Variants in ITGB4 observed in about 807,000 individuals in gnomAD.
ITGB4 encodes the protein integrin subunit beta 4, also known as integrin beta-4.
Under a neutral mutation model 207.6 loss-of-function variants are expected in ITGB4, and 159 were observed. That is an observed-to-expected ratio of 0.77 (90% CI 0.67 to 0.87). The LOEUF (loss-of-function observed/expected upper bound fraction) is 0.87, where lower values mean the gene tolerates loss of function less well. Among genes scored for constraint, ITGB4 ranks in the 40% least tolerant of loss-of-function variants. The probability of loss-of-function intolerance (pLI) is 0.00; values close to 1 mark genes in which losing one functional copy is unlikely to be tolerated. For synonymous variants in ITGB4, 1,020 were observed against 1,062.7 expected (o/e 0.96, Z 0.78); for missense variants, 2,278 against 2,546.8 (o/e 0.89, Z 2.27).
rs138486001 is a variant in ITGB4 at position 75,754,652 on chromosome 17, T to A, written c.4395T>A (p.Ser1465Arg). ...TNSLHRMTTTSAAAYGTHLSP... is the reference protein window; with the variant it reads ...TNSLHRMTTTRAAAYGTHLSP... ...CCCTGCACAGGATGACCACGACCAG[T>A]GCTGCTGCCTATGGCACCCACCTGA... The change falls in exon 34 of 40, where the codon AGT (serine) becomes AGA (arginine). Residue 1465 changes from serine to arginine, a missense_variant. Ser to Arg is a moderately radical substitution (Grantham distance 110). Transcript: ENST00000200181. The A allele has an allele frequency of 4.8e-5, 78 of 1,613,912 alleles. No individual in the cohort carries two copies. The highest frequency in any genetic ancestry group is 6.4e-5 in the Non-Finnish European group (76 of 1,180,004).
rs185038245 is a variant in ITGB4 at position 75,738,666 on chromosome 17, C to T, written c.2221-1006C>T. ...CAGGGAAGAAAGGGCCCTGCCCGCC[C>T]GCAGCTGGCGGTCACTGGGGAGAAC... is the stretch of plus-strand genomic sequence containing the variant. On this transcript the variant is annotated intron_variant, in intron 18 of 39. Transcript: ENST00000200181. Among the ~76,000 whole-genome samples the T allele has an allele frequency of 1.4e-4, 21 of 152,362 alleles. No individual in the cohort carries two copies. The East Asian group carries it at 2.1e-3, about 15-fold the overall frequency.
At chr17:75,749,185 G>T in intron 27 of ITGB4, 140 bp downstream of exon 27, 1 of 747,670 alleles carries the variant, frequency 1.3e-6, no homozygotes, top group Non-Finnish European at 2.3e-6. Context: ...CATACACGTT[G>T]GTAGGATAAG....
At chr17:75,748,019 G>A (rs2061270532) in intron 26 of ITGB4, among the ~76,000 whole-genome samples, 1 of 152,052 alleles carries the variant, frequency 6.6e-6, no homozygotes, top group South Asian at 2.1e-4. Flanking sequence ...CTATGTGAAG[G>A]ATTTTCTTTT....
intron 7 of ITGB4, 51 bp from the exon 8 acceptor site, chr17:75,730,190 G>T (rs369224546): frequency 1.9e-6 from 3 of 1,608,746 alleles, no homozygotes; most frequent in Non-Finnish European, 2.5e-6. Context: ...GCCGTGATGC[G>T]TGTCAGCAGG....
chr17:75,755,172 T>C, intron 34 of ITGB4: 1 of 1,608,656 alleles, frequency 6.2e-7, no homozygotes, highest in Non-Finnish European at 8.5e-7. Context: ...CGAGACTCTA[T>C]AATCCTGGCT....
intron 26 of ITGB4, among the ~76,000 whole-genome samples, chr17:75,745,297 G>T (rs558918976): frequency 6.6e-6 from 1 of 152,172 alleles, no homozygotes; most frequent in East Asian, 1.9e-4. Context: ...GAAGGCTGAG[G>T]CAGGAAGATC....
intron 32 of ITGB4, among the ~76,000 whole-genome samples, chr17:75,752,782 C>T (rs906937995): frequency 1.3e-5 from 2 of 152,178 alleles, no homozygotes; most frequent in African/African-American, 2.4e-5. Flanking sequence ...CTTGTGCAAG[C>T]GCACATGAGT....
chr17:75,749,062 G>A lies in ITGB4; in HGVS notation c.3316+17G>A, dbSNP rs1000046649. On this transcript the variant is annotated intron_variant, in intron 27 of 39. Coordinates refer to ENST00000200181, the MANE Select transcript of ITGB4 (RefSeq NM_000213.5). ...GGGACCCAGGTAGGCAGAGCCTGGG[G>A]GTCGGCTTAAGCAGGAGGAGAGGGA... is the stretch of plus-strand genomic sequence containing the variant. 8 of 1,601,250 alleles carry A rather than the reference G, an allele frequency of 5.0e-6. No homozygotes were observed. Among genetic ancestry groups the A allele is most frequent in the East Asian group, 2.2e-5 (1 of 44,818 alleles).
At chr17:75,751,244 C>T (rs1421906567) in intron 30 of ITGB4, 133 bp downstream of exon 30, 39 of 1,084,642 alleles carry the variant, frequency 3.6e-5, no homozygotes, top group Non-Finnish European at 4.9e-5. Flanking sequence ...TCCTGGTCAG[C>T]GGATAAGCCT....
chr17:75,751,296 A>C (rs2061361700), intron 30 of ITGB4, among the ~76,000 whole-genome samples, 185 bp downstream of exon 30: 1 of 152,202 alleles, frequency 6.6e-6, no homozygotes, highest in South Asian at 2.1e-4. Flanking sequence ...GCTGGGTTGC[A>C]TTCTAAGACC....
rs1366276728 is a variant in ITGB4, at chr17:75,727,634, C to T, written c.265-17C>T. ...GGAGTGACCCTCTAGCCAGCTGTCC[C>T]CTTCCACTGGCTGCAGGAGACCCAG... is the stretch of plus-strand genomic sequence containing the variant. On this transcript the variant is annotated splice_polypyrimidine_tract_variant and intron_variant, in intron 4 of 39. Coordinates refer to ENST00000200181, the MANE Select transcript of ITGB4 (RefSeq NM_000213.5). The surrounding 1 kb of genome is among the most constrained non-coding windows in gnomAD (Gnocchi z 6.0). The T allele has an allele frequency of 5.0e-6, 8 of 1,595,574 alleles. No individual in the cohort carries two copies. Among genetic ancestry groups the T allele is most frequent in the Non-Finnish European group, 6.8e-6 (8 of 1,171,338 alleles).
chr17:75,736,226 G>C, intron 14 of ITGB4, 62 bp from the exon 15 acceptor site: 2 of 1,602,428 alleles, frequency 1.2e-6, no homozygotes, highest in Admixed American at 1.7e-5. Flanking sequence ...CCTATGGAGA[G>C]AGGAGAGGGA....
intron 6 of ITGB4, among the ~76,000 whole-genome samples, chr17:75,728,926 A>G (rs1230370636): frequency 1.4e-5 from 2 of 146,100 alleles, no homozygotes; most frequent in African/African-American, 2.5e-5. Context: ...GGAGCTTGCA[A>G]TGAGCCAGGA....
chr17:75,739,815 C>CA lies in ITGB4; in HGVS notation c.2255-64dup. The CA allele has an allele frequency of 5.0e-6, 8 of 1,609,074 alleles. No homozygotes were observed. The highest frequency in any genetic ancestry group is 6.8e-6 in the Non-Finnish European group (8 of 1,175,856). On this transcript the variant is annotated intron_variant, in intron 19 of 39. Coordinates refer to ENST00000200181, the MANE Select transcript of ITGB4 (RefSeq NM_000213.5). This position sits in a 1 kb window ranked among gnomAD's most constrained non-coding sequence, Gnocchi z 5.4. ...GCAGAGGCTGGAGGCTCTGGGGTCC[C>CA]ACCTGAAGAGGTTGGGCTGTGCGGG...
chr17:75,744,397 G>A (rs2061189351), intron 26 of ITGB4, among the ~76,000 whole-genome samples: 1 of 151,946 alleles, frequency 6.6e-6, no homozygotes, highest in Admixed American at 6.5e-5. Context: ...TGGGATTACA[G>A]GCGTGAGCCA....
chr17:75,730,081 A>C (rs1033241555), intron 7 of ITGB4, among the ~76,000 whole-genome samples, 160 bp from the exon 8 acceptor site: 1 of 152,230 alleles, frequency 6.6e-6, no homozygotes, highest in Non-Finnish European at 1.5e-5. Context: ...TCACTCAGTC[A>C]TGTGCCGTCA....
Position 75,757,785 on chromosome 17 carries a change from G to A in ITGB4, c.*230G>A. ...GGAGCAGCACAAGGACCCAGCCTTT[G>A]TTCTGCACTTAATAAATGGTTTTGC... On this transcript the variant is annotated 3_prime_UTR_variant, in exon 40 of 40. Transcript: ENST00000200181. 1.5e-6 allele frequency: 1 copy of A among 677,176 alleles called. No homozygotes were observed. The highest frequency in any genetic ancestry group is 1.8e-5 in the South Asian group (1 of 54,896). 41.9% of individuals were successfully genotyped at this position (677,176 alleles called of 1,614,324 possible).
intron 27 of ITGB4, 125 bp from the exon 28 acceptor site, chr17:75,749,986 G>C (rs1599297442): frequency 2.5e-6 from 3 of 1,190,172 alleles, no homozygotes; most frequent in Non-Finnish European, 3.8e-6. Context: ...CTCCAGAGAC[G>C]CGGGTGGGCA....
intron 26 of ITGB4, among the ~76,000 whole-genome samples, chr17:75,748,008 T>C (rs2061270100): frequency 6.6e-6 from 1 of 152,098 alleles, no homozygotes; most frequent in Non-Finnish European, 1.5e-5. Flanking sequence ...CTAGTGGTCT[T>C]CTATGTGAAG....
Sources: allele counts gnomAD v4.1 joint callset (sites outside exome capture counted in the v4.1 genomes callset), GRCh38; gene constraint gnomAD v4.1.1; non-coding constraint Gnocchi (gnomAD v3.1); transcripts MANE v1.5; gene names NCBI Gene and HGNC (gene_info 2026-07-23, HGNC 2026-07-21).